The following BRD10 variants were observed in gnomAD, a reference collection of about 807,000 sequenced individuals.
The protein encoded by BRD10 is uncharacterized bromodomain-containing protein 10.
chr9:5,989,916 G>C, the BRD10 span, among the ~76,000 whole-genome samples: 1 of 152,166 alleles, frequency 6.6e-6, no homozygotes, highest in African/African-American at 2.4e-5. Context: ...CACTAAATTA[G>C]AATAACTTTG....
chr9:5,917,151 G>C, the BRD10 span, among the ~76,000 whole-genome samples: 1 of 152,192 alleles, frequency 6.6e-6, no homozygotes, highest in African/African-American at 2.4e-5. Flanking sequence ...GATTGATAAG[G>C]TTCCTGAAAT....
chr9:5,947,166 T>G, the BRD10 span, among the ~76,000 whole-genome samples: 9 of 152,172 alleles, frequency 5.9e-5, no homozygotes, highest in Non-Finnish European at 1.2e-4. Context: ...TTCAAGTGGC[T>G]GTATCTAGTT....
the BRD10 span, among the ~76,000 whole-genome samples, chr9:5,947,801 G>GA: frequency 5.9e-5 from 9 of 152,016 alleles, no homozygotes; most frequent in African/African-American, 1.2e-4. Flanking sequence ...TTTAAAAACA[G>GA]AATCAACCCA....
At chr9:5,990,618 C>A in the BRD10 span, among the ~76,000 whole-genome samples, 8 of 152,090 alleles carry the variant, frequency 5.3e-5, no homozygotes, top group Admixed American at 4.6e-4. Context: ...TATTACTCAT[C>A]AGAAATTAAA....
chr9:5,967,192 C>CT, the BRD10 span, among the ~76,000 whole-genome samples: 61 of 149,324 alleles, frequency 4.1e-4, no homozygotes, highest in East Asian at 9.7e-4. Context: ...TTAATTCCAC[C>CT]TTTTTTTTTT....
the BRD10 span, chr9:5,920,671 T>C: frequency 2.0e-5 from 33 of 1,613,914 alleles, no homozygotes; most frequent in African/African-American, 2.7e-5. Flanking sequence ...TAGAAATAGA[T>C]ACAGAACGTG....
At chr9:6,007,674 G>C in the BRD10 span, 6 of 1,608,936 alleles carry the variant, frequency 3.7e-6, no homozygotes, top group Non-Finnish European at 4.2e-6. Context: ...CCGGCCCTGA[G>C]GTCTGGGCCG....
the BRD10 span, among the ~76,000 whole-genome samples, chr9:5,994,824 C>A: frequency 1.3e-5 from 2 of 152,084 alleles, no homozygotes; most frequent in Non-Finnish European, 2.9e-5. Flanking sequence ...CTCAACTGTA[C>A]CTAATATGAC....
At chr9:5,884,140 C>T in the BRD10 span, among the ~76,000 whole-genome samples, 2 of 152,188 alleles carry the variant, frequency 1.3e-5, no homozygotes, top group African/African-American at 2.4e-5. Flanking sequence ...TAAGCTGCTG[C>T]TTCTAGATCT....
the BRD10 span, chr9:6,007,461 G>A: frequency 1.9e-6 from 3 of 1,608,918 alleles, no homozygotes; most frequent in Non-Finnish European, 2.5e-6. Context: ...CCTCCGCGGT[G>A]GCAACGCCCC....
the BRD10 span, among the ~76,000 whole-genome samples, chr9:5,894,841 T>A: frequency 1.3e-5 from 2 of 152,160 alleles, no homozygotes; most frequent in Admixed American, 1.3e-4. The surrounding 1 kb of genome is among the most constrained non-coding windows in gnomAD (Gnocchi z 4.0). Context: ...AGTCCCAGCA[T>A]CACAGAGCAG....
At chr9:5,960,271 A>G in the BRD10 span, among the ~76,000 whole-genome samples, 1 of 152,176 alleles carries the variant, frequency 6.6e-6, no homozygotes. Context: ...GGTGAAAATA[A>G]TAACTACTGG....
the BRD10 span, chr9:5,909,479 A>C: frequency 6.6e-6 from 1 of 152,240 alleles, no homozygotes; most frequent in African/African-American, 2.4e-5. Flanking sequence ...GCTGGTCTCA[A>C]ACTCCTGACC....
chr9:5,933,736 G>A, the BRD10 span: 4 of 469,456 alleles, frequency 8.5e-6, no homozygotes, highest in South Asian at 1.6e-5. Flanking sequence ...GAAATGAGTC[G>A]GGAGGGAAAC....
At chr9:5,896,675 G>T in the BRD10 span, among the ~76,000 whole-genome samples, 1 of 152,228 alleles carries the variant, frequency 6.6e-6, no homozygotes, top group Non-Finnish European at 1.5e-5. Context: ...TGATCAGGCA[G>T]ATGTTAGCTA....
chr9:5,954,053 T>A, the BRD10 span: 10 of 1,567,752 alleles, frequency 6.4e-6, no homozygotes, highest in East Asian at 1.8e-4. Flanking sequence ...TATGACAGTT[T>A]TCCTCTTCTT....
the BRD10 span, chr9:5,910,600 C>G: frequency 6.6e-6 from 1 of 152,420 alleles, no homozygotes; most frequent in South Asian, 2.1e-4. Flanking sequence ...CCAGAACCCC[C>G]AGACTGTCAC....
At chr9:5,954,052 T>G in the BRD10 span, 6 of 1,567,858 alleles carry the variant, frequency 3.8e-6, no homozygotes, top group East Asian at 9.2e-5. Context: ...TTATGACAGT[T>G]TTCCTCTTCT....
the BRD10 span, among the ~76,000 whole-genome samples, chr9:5,976,447 T>C: frequency 2.0e-5 from 3 of 152,206 alleles, no homozygotes; most frequent in East Asian, 3.8e-4. Context: ...TACTGTATCT[T>C]AGAATCAACC....
Sources: allele counts gnomAD v4.1 joint callset (sites outside exome capture counted in the v4.1 genomes callset), GRCh38; gene constraint gnomAD v4.1.1; non-coding constraint Gnocchi (gnomAD v3.1); transcripts MANE v1.5; gene names NCBI Gene and HGNC (gene_info 2026-07-23, HGNC 2026-07-21).